The following PARD3 variants were observed in gnomAD, a reference collection of about 807,000 sequenced individuals.
The protein encoded by PARD3 is par-3 family cell polarity regulator.
A neutral mutation model predicts 155.4 loss-of-function variants in PARD3; 75 were observed. The ratio of observed to expected loss-of-function variants is 0.48; its 90% CI spans 0.40 to 0.58. The LOEUF is 0.58. PARD3 is among the 20% of genes least tolerant of loss of function. The pLI, the probability that PARD3 is intolerant of heterozygous loss-of-function variation, is 0.00. For synonymous variants in PARD3, 576 were observed against 610.5 expected (o/e 0.94, Z 0.83); for missense variants, 1,642 against 1,721.7 (o/e 0.95, Z 0.82).
intron 2 of PARD3, among the ~76,000 whole-genome samples, chr10:34,591,766 G>A (rs778421344): frequency 1.1e-4 from 17 of 152,288 alleles, no homozygotes; most frequent in Non-Finnish European, 1.9e-4. Context: ...TGGTGGGTAT[G>A]GTACAACTGG....
chr10:34,751,297 A>G (rs1250753203), intron 1 of PARD3, among the ~76,000 whole-genome samples: 1 of 152,210 alleles, frequency 6.6e-6, no homozygotes, highest in Non-Finnish European at 1.5e-5. Flanking sequence ...TTGGGTCAAA[A>G]TAACAATTAT....
At chr10:34,768,347 G>A (rs1838383594) in intron 1 of PARD3, among the ~76,000 whole-genome samples, 1 of 151,498 alleles carries the variant, frequency 6.6e-6, no homozygotes, top group Admixed American at 6.6e-5. Flanking sequence ...CATCTGGAAA[G>A]GCGGGATAAC....
intron 14 of PARD3, among the ~76,000 whole-genome samples, chr10:34,354,377 CAAAA>C (rs745511013): frequency 8.3e-6 from 1 of 121,080 alleles, no homozygotes; most frequent in East Asian, 2.5e-4. Flanking sequence ...GACTCTGTCT[CAAAA>C]AAAAAAAAAA....
chr10:34,743,921 G>A (rs2095061902), intron 1 of PARD3, among the ~76,000 whole-genome samples: 1 of 152,150 alleles, frequency 6.6e-6, no homozygotes, highest in Admixed American at 6.5e-5. Context: ...GCAGTGCTGG[G>A]CACCTGGCAC....
intron 22 of PARD3, among the ~76,000 whole-genome samples, chr10:34,227,885 C>A (rs56051568): frequency 5.2e-5 from 4 of 77,460 alleles, no homozygotes; most frequent in Non-Finnish European, 7.6e-5. Flanking sequence ...TATATATATA[C>A]TGGGAATATA....
intron 2 of PARD3, among the ~76,000 whole-genome samples, chr10:34,672,195 T>G (rs1023639817): frequency 4.6e-5 from 7 of 152,182 alleles, no homozygotes; most frequent in African/African-American, 1.7e-4. Flanking sequence ...TCTCTCCCTT[T>G]CACGACTGCC....
At chr10:34,512,729 T>C (rs2081475337) in intron 3 of PARD3, among the ~76,000 whole-genome samples, 1 of 152,214 alleles carries the variant, frequency 6.6e-6, no homozygotes, top group Admixed American at 6.6e-5. Flanking sequence ...AACTATGACA[T>C]GTCTAAACTG....
At chr10:34,183,689 C>T (rs1170044115) in intron 22 of PARD3, among the ~76,000 whole-genome samples, 1 of 152,204 alleles carries the variant, frequency 6.6e-6, no homozygotes, top group Non-Finnish European at 1.5e-5. Context: ...ACGTAAATAA[C>T]ACACCGTCTC....
At chr10:34,469,895 C>T (rs12244400) in intron 4 of PARD3, among the ~76,000 whole-genome samples, 190 bp downstream of exon 4, 11,437 of 152,060 alleles carry the variant, frequency 0.075, 1,317 homozygotes, top group African/African-American at 0.25. Context: ...TGATTTTCAT[C>T]AGAAAATCCA....
At chr10:34,131,311 G>T (rs1947598992) in intron 23 of PARD3, 152 bp downstream of exon 23, 2 of 728,476 alleles carry the variant, frequency 2.7e-6, no homozygotes, top group Admixed American at 5.5e-5. Context: ...ATGAAACCCA[G>T]ATGGAAATGA....
chr10:34,767,431 C>T lies in PARD3; in HGVS notation c.120+47445G>A, dbSNP rs76298140. Among the ~76,000 whole-genome samples the T allele has an allele frequency of 6.1e-4, 93 of 151,870 alleles. 1 individual carries two copies. In the Middle Eastern group the frequency reaches 0.01, roughly 17 times the overall value. On this transcript the variant is annotated intron_variant, in intron 1 of 24. Transcript: ENST00000374788. ...GGAACACAGCTCAGGAGGTGCACATCCTATTAACTGGCCCTCACAGAGTGC... is the reference window on the plus strand; with the variant it reads ...GGAACACAGCTCAGGAGGTGCACATTCTATTAACTGGCCCTCACAGAGTGC...
chr10:34,757,874 C>A (rs10764000), intron 1 of PARD3, among the ~76,000 whole-genome samples: 38,432 of 152,050 alleles, frequency 0.25, 5,343 homozygotes, highest in East Asian at 0.54. Context: ...TTTGTCCTTG[C>A]ACTGGAAGGG....
At chr10:34,692,606 G>A (rs2094087691) in intron 2 of PARD3, among the ~76,000 whole-genome samples, 1 of 152,212 alleles carries the variant, frequency 6.6e-6, no homozygotes, top group South Asian at 2.1e-4. Context: ...CAGGCGTGGT[G>A]GCTTACGCCT....
intron 3 of PARD3, among the ~76,000 whole-genome samples, chr10:34,477,005 T>C (rs1378707889): frequency 8.5e-5 from 13 of 152,354 alleles, no homozygotes; most frequent in Admixed American, 8.5e-4. Context: ...CTAACTGTCC[T>C]GACTAATATA....
intron 5 of PARD3, among the ~76,000 whole-genome samples, chr10:34,437,840 T>C (rs547577656): frequency 3.9e-5 from 6 of 152,372 alleles, no homozygotes; most frequent in African/African-American, 1.4e-4. Flanking sequence ...CTTATGTCAC[T>C]TTAGTTATAT....
chr10:34,203,338 T>TG (rs1951310666), intron 22 of PARD3, among the ~76,000 whole-genome samples: 1 of 152,192 alleles, frequency 6.6e-6, no homozygotes, highest in South Asian at 2.1e-4. Context: ...AATGAATGGC[T>TG]GTTCTGAGGT....
intron 1 of PARD3, among the ~76,000 whole-genome samples, chr10:34,774,839 A>G (rs755581778): frequency 1.1e-4 from 16 of 152,246 alleles, no homozygotes; most frequent in Non-Finnish European, 1.9e-4. Context: ...ATCATCAATG[A>G]AATCTAGCAA....
chr10:34,628,477 CCT>C (rs1362836921), intron 2 of PARD3, among the ~76,000 whole-genome samples: 2 of 152,240 alleles, frequency 1.3e-5, no homozygotes, highest in African/African-American at 4.8e-5. Context: ...GGCAATATAT[CCT>C]CTGTCCCAAG....
At chr10:34,447,885 G>A (rs1477151771) in intron 5 of PARD3, among the ~76,000 whole-genome samples, 2 of 152,002 alleles carry the variant, frequency 1.3e-5, no homozygotes, top group African/African-American at 2.4e-5. Flanking sequence ...TACTGCTGGT[G>A]GTAATGTAAA....
Sources: gnomAD v4.1 joint callset for allele counts (sites outside exome capture counted in the v4.1 genomes callset) on GRCh38, gnomAD v4.1.1 for gene constraint, MANE v1.5 for transcripts, NCBI Gene and HGNC (gene_info 2026-07-23, HGNC 2026-07-21) for gene names.